FAM13C: variants seen among roughly 807,000 people sequenced by gnomAD.
FAM13C encodes family with sequence similarity 13 member C.
FAM13C carries 37 observed loss-of-function variants against 73.2 expected under a neutral mutation model. That is an observed-to-expected ratio of 0.51 (90% CI 0.39 to 0.67). FAM13C has a LOEUF of 0.67. Ranked by LOEUF, FAM13C falls within the 30% of genes least tolerant of loss-of-function variation. FAM13C has a pLI of 0.00. For missense variants in FAM13C, 589 were observed against 715.6 expected (o/e 0.82, Z 2.02); for synonymous variants, 246 against 260.9 (o/e 0.94, Z 0.55).
intron 10 of FAM13C, among the ~76,000 whole-genome samples, chr10:59,261,372 G>A (rs1842486471): frequency 6.6e-6 from 1 of 151,980 alleles, no homozygotes; most frequent in African/African-American, 2.4e-5. Flanking sequence ...CTAATCCAGG[G>A]GCATATGTTG....
chr10:59,289,726 C>T (rs754546003), intron 5 of FAM13C, among the ~76,000 whole-genome samples: 15 of 152,192 alleles, frequency 9.9e-5, no homozygotes, highest in Non-Finnish European at 1.3e-4. Context: ...TCACTTCCAT[C>T]ATGCCCGACT....
At chr10:59,320,718 C>G (rs879697356) in intron 4 of FAM13C, among the ~76,000 whole-genome samples, 3 of 152,208 alleles carry the variant, frequency 2.0e-5, no homozygotes, top group Admixed American at 6.5e-5. Flanking sequence ...GGATTCGTTA[C>G]AGCTCGGCGT....
chr10:59,301,655 A>C (rs1847616639), intron 5 of FAM13C, among the ~76,000 whole-genome samples: 1 of 152,218 alleles, frequency 6.6e-6, no homozygotes. Flanking sequence ...CTTTACAACT[A>C]GCATTTTGCT....
intron 11 of FAM13C, chr10:59,253,971 T>C (rs1841667451): frequency 4.5e-6 from 1 of 222,532 alleles, no homozygotes; most frequent in African/African-American, 2.2e-5. Context: ...ATATTGTTAA[T>C]TTTCTGATTA....
chr10:59,297,180 A>G (rs1847018578), intron 5 of FAM13C: 1 of 152,210 alleles, frequency 6.6e-6, no homozygotes, highest in Non-Finnish European at 1.5e-5. Flanking sequence ...ATAAATGGAC[A>G]AAGCACTCAT....
chr10:59,313,313 A>C (rs910964426), intron 4 of FAM13C, among the ~76,000 whole-genome samples: 6 of 152,242 alleles, frequency 3.9e-5, no homozygotes, highest in Admixed American at 6.5e-5. Flanking sequence ...AAACACAGTT[A>C]GTTTCCATTG....
intron 13 of FAM13C, among the ~76,000 whole-genome samples, chr10:59,250,961 A>C (rs1247372392): frequency 6.6e-6 from 1 of 152,108 alleles, no homozygotes; most frequent in Non-Finnish European, 1.5e-5. Context: ...TTATCTCTTG[A>C]TTATATATGT....
chr10:59,333,344 C>T (rs1378923648), intron 3 of FAM13C, among the ~76,000 whole-genome samples: 3 of 151,956 alleles, frequency 2.0e-5, no homozygotes, highest in Admixed American at 1.3e-4. Context: ...AAAAATTAGC[C>T]GGGCACGGTG....
At chr10:59,286,073 TTG>T (rs1210375267) in intron 5 of FAM13C, among the ~76,000 whole-genome samples, 1 of 152,214 alleles carries the variant, frequency 6.6e-6, no homozygotes, top group African/African-American at 2.4e-5. Context: ...CAATGGAACA[TTG>T]TTCAGCATTC....
rs35736752 is a variant in FAM13C, at chr10:59,361,212, G to GTT, written c.62+1185_62+1186dup. 581 of 590,342 alleles carry GTT rather than the reference G, an allele frequency of 9.8e-4. 1 individual carries two copies. Among genetic ancestry groups the GTT allele is most frequent in the African/African-American group, 5.1e-3 (248 of 48,968 alleles). The allele number at this position is 590,342 out of a possible 1,614,324, so 36.6% of individuals were successfully genotyped here. ...CATTGCTTCTTCTAAAGTCAATCCT[G>GTT]TTTTTTTTTTTAAGTGACTCCACTT... On this transcript the variant is annotated intron_variant, in intron 1 of 13. Coordinates refer to ENST00000618804, the MANE Select transcript of FAM13C (RefSeq NM_198215.4).
chr10:59,350,298 T>A (rs970179827), intron 3 of FAM13C, among the ~76,000 whole-genome samples: 1 of 152,184 alleles, frequency 6.6e-6, no homozygotes, highest in Non-Finnish European at 1.5e-5. Flanking sequence ...CATGCCCCAT[T>A]AGCACCTTAT....
At chr10:59,280,869 A>T (rs1844849664) in intron 6 of FAM13C, among the ~76,000 whole-genome samples, 1 of 152,180 alleles carries the variant, frequency 6.6e-6, no homozygotes, top group South Asian at 2.1e-4. Flanking sequence ...TTTGAAACCC[A>T]CTAGGTCACA....
At position 59,269,941 on chromosome 10, in the gene FAM13C, G is replaced by C; in HGVS notation, c.761C>G (p.Pro254Arg). 1 of 1,613,970 alleles carries C rather than the reference G, an allele frequency of 6.2e-7. No homozygotes were observed. The highest frequency in any genetic ancestry group is 8.5e-7 in the Non-Finnish European group (1 of 1,179,900). The change falls in exon 7 of 14, where the codon CCC becomes CGC. Residue 254 changes from proline (P) to arginine (R), a missense_variant. Physicochemically the swap from Pro to Arg is moderately radical, Grantham distance 103. Transcript: ENST00000618804. ...GCTGGGTGGAGATGGGGCTGACTCG[G>C]GGTCTAAGTTGAATCTCTGGCTTTG... Reference protein sequence around the residue: ...FSQSQRFNLDPESAPSPPSTQ... With the variant: ...FSQSQRFNLDRESAPSPPSTQ...
intron 6 of FAM13C, 100 bp downstream of exon 6, chr10:59,283,263 G>C: frequency 8.0e-7 from 1 of 1,246,718 alleles, no homozygotes; most frequent in Non-Finnish European, 1.2e-6. Flanking sequence ...GTTGCCCCAG[G>C]CACTGTTTTC....
At chr10:59,348,274 C>T (rs2134231716) in intron 3 of FAM13C, among the ~76,000 whole-genome samples, 1 of 152,318 alleles carries the variant, frequency 6.6e-6, no homozygotes, top group Non-Finnish European at 1.5e-5. Context: ...CAGCAAGCAT[C>T]AGGTAAGATT....
At chr10:59,274,278 G>C (rs570710662) in intron 6 of FAM13C, among the ~76,000 whole-genome samples, 2 of 152,176 alleles carry the variant, frequency 1.3e-5, no homozygotes, top group Non-Finnish European at 2.9e-5. Flanking sequence ...AGGCACTAAA[G>C]GGTTAGCTAT....
At chr10:59,345,058 T>G (rs1854117475) in intron 3 of FAM13C, among the ~76,000 whole-genome samples, 2 of 152,160 alleles carry the variant, frequency 1.3e-5, no homozygotes, top group Admixed American at 1.3e-4. Flanking sequence ...TAGAATTTAT[T>G]TAAGTATGTA....
intron 5 of FAM13C, chr10:59,300,879 G>T (rs1163547677): frequency 6.6e-6 from 1 of 152,320 alleles, no homozygotes; most frequent in East Asian, 1.9e-4. Context: ...TGTGCTGGTT[G>T]CACACTTTGT....
rs539234433 is a variant in FAM13C, at chr10:59,352,422, G to A, written c.172C>T (p.His58Tyr). ...TGCGGCTCCCAAGAGGGCGGCGCGTGCTCTTCTACCAGAGCCCCTGCGTCG... is the reference window on the plus strand; with the variant it reads ...TGCGGCTCCCAAGAGGGCGGCGCGTACTCTTCTACCAGAGCCCCTGCGTCG... ...YPDAGALVEE[H>Y]APPSWEPQQQ... Residue 58 changes from histidine (H) to tyrosine (Y), a missense_variant, in exon 3 of 14, where the codon CAC (histidine) becomes TAC (tyrosine). Coordinates refer to ENST00000618804, the MANE Select transcript of FAM13C (RefSeq NM_198215.4). 42 of 1,613,736 alleles carry A rather than the reference G, an allele frequency of 2.6e-5. No individual in the cohort carries two copies. In the Admixed American group the frequency reaches 6.5e-4, roughly 25 times the overall value.
Sources: allele counts gnomAD v4.1 joint callset (sites outside exome capture counted in the v4.1 genomes callset), GRCh38; gene constraint gnomAD v4.1.1; transcripts MANE v1.5; gene names NCBI Gene and HGNC (gene_info 2026-07-23, HGNC 2026-07-21).